The following SGCG variants were observed in gnomAD, a reference collection of about 807,000 sequenced individuals.
SGCG encodes the protein gamma-sarcoglycan.
Under a neutral mutation model 29.3 loss-of-function variants are expected in SGCG, and 26 were observed. The observed-to-expected ratio is 0.89, with a 90% CI of 0.65 to 1.23. The LOEUF (loss-of-function observed/expected upper bound fraction) is 1.23, where lower values mean the gene tolerates loss of function less well. SGCG is among the 50% of genes most tolerant of loss of function. The probability of loss-of-function intolerance (pLI) is 0.00; values close to 1 mark genes in which losing one functional copy is unlikely to be tolerated. For synonymous variants in SGCG, 145 were observed against 129.7 expected (o/e 1.12, Z -0.80); for missense variants, 353 against 356.0 (o/e 0.99, Z 0.07).
At chr13:23,269,872 T>TTG (rs1880796905) in intron 4 of SGCG, among the ~76,000 whole-genome samples, 1 of 101,192 alleles carries the variant, frequency 9.9e-6, no homozygotes, top group African/African-American at 2.9e-5. Flanking sequence ...TTTGTTTTTT[T>TTG]TGTTTTTTTT....
intron 4 of SGCG, among the ~76,000 whole-genome samples, chr13:23,260,868 C>T (rs1215610445): frequency 8.5e-5 from 13 of 152,096 alleles, no homozygotes; most frequent in Admixed American, 8.5e-4. Flanking sequence ...TTGGCCCCCA[C>T]ACTCTTCTGG....
chr13:23,245,486 T>TCTCCTACGGAGAAGGAG, intron 3 of SGCG: 1 of 152,198 alleles, frequency 6.6e-6, no homozygotes, highest in Admixed American at 6.5e-5. Context: ...TAGGAGAGTG[T>TCTCCTACGGAGAAGGAG]CTCTACTACG....
chr13:23,286,666 T>C (rs1456632606), intron 5 of SGCG, among the ~76,000 whole-genome samples: 1 of 149,530 alleles, frequency 6.7e-6, no homozygotes, highest in Non-Finnish European at 1.5e-5. Flanking sequence ...CAGTAAGAGA[T>C]TAACAACAAT....
In SGCG at chr13:23,282,838, A is replaced by G. The variant is rs1428204569; in HGVS notation, c.505+3360A>G. Among the ~76,000 whole-genome samples the G allele has an allele frequency of 2.0e-5, 3 of 152,170 alleles. No individual in the cohort carries two copies. In the East Asian group the frequency reaches 5.8e-4, roughly 29 times the overall value. On this transcript the variant is annotated intron_variant, in intron 5 of 7. Transcript: ENST00000218867. ...GAGACTGTCCTGTGCATTGCAGGACATTTAGCGGCATTCTTAGCCATTTAG... is the reference window on the plus strand; with the variant it reads ...GAGACTGTCCTGTGCATTGCAGGACGTTTAGCGGCATTCTTAGCCATTTAG...
intron 4 of SGCG, among the ~76,000 whole-genome samples, chr13:23,263,026 G>A (rs1321382407): frequency 1.3e-5 from 2 of 151,942 alleles, no homozygotes; most frequent in African/African-American, 4.8e-5. Flanking sequence ...AAAGTTTATA[G>A]CCCAAATTCC....
chr13:23,318,848 C>T (rs899858946), intron 6 of SGCG, among the ~76,000 whole-genome samples: 14 of 152,162 alleles, frequency 9.2e-5, no homozygotes, highest in African/African-American at 2.7e-4. Context: ...ATTTTGTTGT[C>T]GTTTAATGAC....
chr13:23,247,784 T>A (rs1357548002), intron 3 of SGCG, among the ~76,000 whole-genome samples: 2 of 132,860 alleles, frequency 1.5e-5, no homozygotes, highest in East Asian at 2.2e-4. Flanking sequence ...CATCTCTATT[T>A]AAAAAAAAAA....
Position 23,325,079 on chromosome 13 carries a change from T to G in SGCG, c.*538T>G, listed in dbSNP as rs1419155356. On this transcript the variant is annotated 3_prime_UTR_variant, in exon 8 of 8. Coordinates refer to ENST00000218867, the MANE Select transcript of SGCG (RefSeq NM_000231.3). ...AGGGAATTTGAGGTTGATCTGGTTT[T>G]CAAGATGTAGTTAAAGGAATAAATC... The G allele has an allele frequency of 2.4e-5, 4 of 167,306 alleles. No homozygotes were observed. The highest frequency in any genetic ancestry group is 3.9e-5 in the Non-Finnish European group (3 of 75,982). The allele number at this position is 167,306 out of a possible 1,614,324, so 10.4% of individuals were successfully genotyped here.
chr13:23,290,106 G>A (rs1410411700), intron 5 of SGCG, among the ~76,000 whole-genome samples: 2 of 152,186 alleles, frequency 1.3e-5, no homozygotes, highest in African/African-American at 4.8e-5. Context: ...GATGATATTT[G>A]TTTTGGTTGA....
At chr13:23,241,793 T>C (rs1879524867) in intron 3 of SGCG, among the ~76,000 whole-genome samples, 1 of 152,066 alleles carries the variant, frequency 6.6e-6, no homozygotes, top group African/African-American at 2.4e-5. Context: ...TGCAAAACAA[T>C]AAACACCATA....
chr13:23,257,308 C>T (rs1317361704), intron 4 of SGCG, among the ~76,000 whole-genome samples: 1 of 152,060 alleles, frequency 6.6e-6, no homozygotes, highest in Admixed American at 6.6e-5. Context: ...ACATGCAAAA[C>T]ATGCAAGTTT....
intron 1 of SGCG, among the ~76,000 whole-genome samples, chr13:23,186,707 C>A (rs934109262): frequency 6.6e-6 from 1 of 152,098 alleles, no homozygotes; most frequent in African/African-American, 2.4e-5. Flanking sequence ...GTTCTATCAC[C>A]CTGTCAGGCC....
chr13:23,316,074 C>T (rs924766460), intron 6 of SGCG, among the ~76,000 whole-genome samples: 2 of 152,206 alleles, frequency 1.3e-5, no homozygotes, highest in South Asian at 4.1e-4. Flanking sequence ...GACTTCCGCT[C>T]ACCAAGGCTA....
intron 6 of SGCG, among the ~76,000 whole-genome samples, chr13:23,297,134 A>G (rs1242762165): frequency 6.6e-6 from 1 of 152,184 alleles, no homozygotes; most frequent in African/African-American, 2.4e-5. Context: ...CATTACTGAT[A>G]GTAATCCTTA....
chr13:23,258,578 C>T (rs1880294364), intron 4 of SGCG, among the ~76,000 whole-genome samples: 1 of 152,158 alleles, frequency 6.6e-6, no homozygotes, highest in Non-Finnish European at 1.5e-5. Flanking sequence ...GAACTTCCAA[C>T]ACTATGTTGA....
intron 2 of SGCG, among the ~76,000 whole-genome samples, chr13:23,204,216 A>G (rs1052984642): frequency 1.3e-5 from 2 of 152,192 alleles, no homozygotes; most frequent in African/African-American, 4.8e-5. Context: ...AGTTTGTAAA[A>G]TGGTATAAAT....
At chr13:23,177,304 T>C (rs1876588681), upstream of SGCG, among the ~76,000 whole-genome samples, 2 of 152,096 alleles carry the variant, frequency 1.3e-5, no homozygotes, top group African/African-American at 4.8e-5. Flanking sequence ...CATAGTAGGG[T>C]GACTATAGTC....
At chr13:23,278,983 C>T (rs1487164856) in intron 4 of SGCG, among the ~76,000 whole-genome samples, 1 of 152,076 alleles carries the variant, frequency 6.6e-6, no homozygotes, top group Non-Finnish European at 1.5e-5. Flanking sequence ...GATGGTCTTT[C>T]ACAAATCTCA....
At position 23,276,298 on chromosome 13, in the gene SGCG, G is replaced by A. The variant is rs1044524361; in HGVS notation, c.386-3061G>A. 2.0e-5 allele frequency among the ~76,000 whole-genome samples: 3 copies of A among 152,052 alleles called. No homozygotes were observed. In the South Asian group the frequency reaches 6.2e-4, roughly 32 times the overall value. On this transcript the variant is annotated intron_variant, in intron 4 of 7. Coordinates refer to ENST00000218867, the MANE Select transcript of SGCG (RefSeq NM_000231.3). ...GGAAAGCGTATTTAAATTTAAACAT[G>A]CAGGGTCTATTTTTAATAAAATGGA...
Sources: gnomAD v4.1 joint callset for allele counts (sites outside exome capture counted in the v4.1 genomes callset) on GRCh38, gnomAD v4.1.1 for gene constraint, MANE v1.5 for transcripts, NCBI Gene and HGNC (gene_info 2026-07-23, HGNC 2026-07-21) for gene names.